NELL2: variants seen among roughly 807,000 people sequenced by gnomAD.
The protein encoded by NELL2 is protein kinase C-binding protein NELL2.
Under a neutral mutation model 109.6 loss-of-function variants are expected in NELL2, and 41 were observed. The observed-to-expected ratio is 0.37, with a 90% CI of 0.29 to 0.49. The LOEUF (loss-of-function observed/expected upper bound fraction) is 0.49, where lower values mean the gene tolerates loss of function less well. NELL2 is among the 20% of genes least tolerant of loss of function. NELL2 has a pLI of 0.98. For synonymous variants in NELL2, 355 were observed against 344.7 expected, an observed-to-expected ratio of 1.03 and a Z score of -0.33; for missense variants, 900 against 1,008.3, an observed-to-expected ratio of 0.89 and a Z score of 1.45.
chr12:44,798,946 CTTTTTTTT>C (rs1157006162), intron 3 of NELL2, among the ~76,000 whole-genome samples: 6 of 77,444 alleles, frequency 7.7e-5, no homozygotes, highest in South Asian at 5.1e-4. Flanking sequence ...ATGATTTCCA[CTTTTTTTT>C]TTTTTTTTTT....
chr12:44,708,269 C>CT (rs1465380660), intron 11 of NELL2, among the ~76,000 whole-genome samples: 1 of 152,192 alleles, frequency 6.6e-6, no homozygotes, highest in Admixed American at 6.5e-5. Flanking sequence ...AGATGGCTAG[C>CT]TACAGGGTAC....
intron 3 of NELL2, among the ~76,000 whole-genome samples, chr12:44,789,466 T>G (rs1321175634): frequency 6.6e-6 from 1 of 152,120 alleles, no homozygotes; most frequent in Non-Finnish European, 1.5e-5. Flanking sequence ...AAAAAGAATC[T>G]GAACAGCAGG....
chr12:44,845,074 G>C (rs1944332330), intron 2 of NELL2, among the ~76,000 whole-genome samples: 1 of 152,012 alleles, frequency 6.6e-6, no homozygotes, highest in Non-Finnish European at 1.5e-5. Flanking sequence ...CCTCAATCTA[G>C]GGTAAGCTTT....
chr12:44,644,525 A>T (rs1946983141), intron 13 of NELL2, among the ~76,000 whole-genome samples: 2 of 148,060 alleles, frequency 1.4e-5, no homozygotes, highest in South Asian at 4.3e-4. Context: ...TTTGACTGTC[A>T]ATCTTCTGAA....
At chr12:44,517,481 T>C (rs1315095278) in intron 19 of NELL2, among the ~76,000 whole-genome samples, 1 of 150,798 alleles carries the variant, frequency 6.6e-6, no homozygotes. Context: ...CTGTTTCCTA[T>C]AGACCCTGCA....
chr12:44,889,615 G>C (rs868747329), intron 1 of NELL2, among the ~76,000 whole-genome samples: 1 of 152,000 alleles, frequency 6.6e-6, no homozygotes, highest in African/African-American at 2.4e-5. Context: ...TAACGTGAAA[G>C]GCTAAATACC....
At chr12:44,835,001 G>A (rs1270929359) in intron 2 of NELL2, among the ~76,000 whole-genome samples, 2 of 152,188 alleles carry the variant, frequency 1.3e-5, no homozygotes, top group African/African-American at 2.4e-5. Flanking sequence ...GGTTGCTGGA[G>A]GGGCCAAAGC....
At chr12:44,705,256 C>A (rs998903743) in intron 11 of NELL2, among the ~76,000 whole-genome samples, 3 of 151,800 alleles carry the variant, frequency 2.0e-5, no homozygotes, top group African/African-American at 7.3e-5. Flanking sequence ...AACTTAATAA[C>A]CCTTAAGAAG....
In NELL2 at chr12:44,722,080, G is replaced by A. The variant is rs557739106; in HGVS notation, c.995-7339C>T. Among the ~76,000 whole-genome samples the A allele has an allele frequency of 6.6e-5, 10 of 152,192 alleles. No homozygotes were observed. The East Asian group carries it at 1.8e-3, about 27-fold the overall frequency. Reference sequence around the variant, plus strand: ...TGATAGCATACTGGAGATGGAACAGGAGAAGGAAAAGGAGTAAGCAATAAA... The same window carrying A: ...TGATAGCATACTGGAGATGGAACAGAAGAAGGAAAAGGAGTAAGCAATAAA... On this transcript the variant is annotated intron_variant, in intron 9 of 19. Coordinates refer to ENST00000429094, the MANE Select transcript of NELL2 (RefSeq NM_001145108.2).
intron 15 of NELL2, among the ~76,000 whole-genome samples, chr12:44,570,955 A>G (rs1305570715): frequency 6.6e-6 from 1 of 152,198 alleles, no homozygotes; most frequent in Admixed American, 6.5e-5. Context: ...CAAGACGGCT[A>G]TGGAAGCTGC....
At chr12:44,657,052 G>T (rs1288078385) in intron 13 of NELL2, among the ~76,000 whole-genome samples, 1 of 152,288 alleles carries the variant, frequency 6.6e-6, no homozygotes, top group East Asian at 1.9e-4. Flanking sequence ...GCATGCATGG[G>T]TTACAACTGA....
chr12:44,680,250 T>G (rs994933114), intron 12 of NELL2, among the ~76,000 whole-genome samples: 5 of 152,146 alleles, frequency 3.3e-5, no homozygotes, highest in Admixed American at 6.6e-5. Context: ...TGCTTGTACA[T>G]AAATCACTGA....
chr12:44,510,550 C>G (rs1024707804), intron 19 of NELL2, among the ~76,000 whole-genome samples: 5 of 152,190 alleles, frequency 3.3e-5, no homozygotes, highest in South Asian at 2.1e-4. Context: ...GATAGTCTAG[C>G]CTTTGCTAAA....
intron 13 of NELL2, among the ~76,000 whole-genome samples, chr12:44,618,765 T>A (rs1945929407): frequency 6.6e-6 from 1 of 152,166 alleles, no homozygotes; most frequent in African/African-American, 2.4e-5. Context: ...TTTAGTGCCA[T>A]AACAAAGAAA....
upstream of NELL2, among the ~76,000 whole-genome samples, chr12:44,880,317 G>T (rs771630671): frequency 1.4e-4 from 21 of 151,898 alleles, no homozygotes; most frequent in Non-Finnish European, 1.2e-4. Flanking sequence ...TATCTCAAAA[G>T]AAACCAAATA....
chr12:44,812,186 T>C (rs147941200), intron 3 of NELL2, among the ~76,000 whole-genome samples: 2 of 152,284 alleles, frequency 1.3e-5, no homozygotes, highest in Non-Finnish European at 2.9e-5. Context: ...GGCCTTCATA[T>C]AGAAGGCTCC....
chr12:44,661,714 T>C (rs928879656), intron 13 of NELL2, among the ~76,000 whole-genome samples: 2 of 152,218 alleles, frequency 1.3e-5, no homozygotes, highest in African/African-American at 4.8e-5. Context: ...CATTCGTCCA[T>C]ATAAGTAATC....
chr12:44,895,346 G>A (rs1012767678), intron 1 of NELL2, among the ~76,000 whole-genome samples: 2 of 152,116 alleles, frequency 1.3e-5, no homozygotes, highest in Non-Finnish European at 2.9e-5. Flanking sequence ...GAAATGCAAA[G>A]AGAAAAATCT....
chr12:44,734,841 C>G (rs1456072723), intron 9 of NELL2, among the ~76,000 whole-genome samples: 2 of 151,902 alleles, frequency 1.3e-5, no homozygotes, highest in Admixed American at 6.6e-5. Flanking sequence ...GGTTTACTCA[C>G]TATTTATAAC....
Sources: gnomAD v4.1 joint callset for allele counts (sites outside exome capture counted in the v4.1 genomes callset) on GRCh38, gnomAD v4.1.1 for gene constraint, MANE v1.5 for transcripts, NCBI Gene and HGNC (gene_info 2026-07-23, HGNC 2026-07-21) for gene names.